The following LHFPL3 variants were observed in gnomAD, a reference collection of about 807,000 sequenced individuals.
LHFPL3 encodes LHFPL tetraspan subfamily member 3 protein.
A neutral mutation model predicts 19.3 loss-of-function variants in LHFPL3; 5 were observed. That is an observed-to-expected ratio of 0.26 (90% CI 0.14 to 0.54). LHFPL3 has a LOEUF of 0.54. Among genes scored for constraint, LHFPL3 ranks in the 20% least tolerant of loss-of-function variants. The pLI, the probability that LHFPL3 is intolerant of heterozygous loss-of-function variation, is 0.94. For synonymous variants in LHFPL3, 133 were observed against 126.2 expected, an observed-to-expected ratio of 1.05 and a Z score of -0.36; for missense variants, 249 against 307.4, an observed-to-expected ratio of 0.81 and a Z score of 1.42.
chr7:104,769,583 T>A (rs1794515054), intron 2 of LHFPL3, among the ~76,000 whole-genome samples: 1 of 151,684 alleles, frequency 6.6e-6, no homozygotes, highest in South Asian at 2.1e-4. Context: ...ACATTAGGTA[T>A]TTCTGCTAAT....
chr7:104,430,438 A>ATG (rs1229759129), intron 1 of LHFPL3, among the ~76,000 whole-genome samples: 3 of 15,090 alleles, frequency 2.0e-4, no homozygotes, highest in Admixed American at 9.8e-4. Context: ...ATATATATAT[A>ATG]TATATATATA....
At chr7:104,877,467 T>A (rs1265986040) in intron 2 of LHFPL3, among the ~76,000 whole-genome samples, 1 of 151,902 alleles carries the variant, frequency 6.6e-6, no homozygotes, top group African/African-American at 2.4e-5. Flanking sequence ...AATAGACATT[T>A]CCCCAAATGA....
chr7:104,407,668 A>G (rs1791443998), intron 1 of LHFPL3, among the ~76,000 whole-genome samples: 1 of 152,226 alleles, frequency 6.6e-6, no homozygotes, highest in Non-Finnish European at 1.5e-5. Context: ...GGGAATAAAA[A>G]AAGAGAGAAC....
At chr7:104,466,797 G>C (rs1388701668) in intron 1 of LHFPL3, among the ~76,000 whole-genome samples, 4 of 152,210 alleles carry the variant, frequency 2.6e-5, no homozygotes, top group Non-Finnish European at 5.9e-5. Context: ...AAACCATGCT[G>C]TAGGGCTCCA....
intron 1 of LHFPL3, among the ~76,000 whole-genome samples, chr7:104,500,960 G>A (rs1793588606): frequency 6.6e-6 from 1 of 152,058 alleles, no homozygotes; most frequent in South Asian, 2.1e-4. Flanking sequence ...ATAATCCCAG[G>A]CAGCTTTACT....
At chr7:104,498,623 G>A (rs137866508) in intron 1 of LHFPL3, among the ~76,000 whole-genome samples, 5 of 151,592 alleles carry the variant, frequency 3.3e-5, no homozygotes, top group South Asian at 4.2e-4. Context: ...GACTACAGGC[G>A]CCTGCCACCA....
intron 1 of LHFPL3, among the ~76,000 whole-genome samples, chr7:104,581,748 C>T (rs1446902348): frequency 6.6e-6 from 1 of 151,920 alleles, no homozygotes; most frequent in Admixed American, 6.6e-5. Context: ...GCTTTCTTTT[C>T]CCATTGAATT....
intron 2 of LHFPL3, among the ~76,000 whole-genome samples, chr7:104,799,026 C>T (rs932828895): frequency 5.3e-5 from 8 of 152,112 alleles, no homozygotes; most frequent in African/African-American, 1.9e-4. Context: ...TTTTTATTAC[C>T]GCATTCAAAA....
At chr7:104,838,808 G>A (rs1411624628) in intron 2 of LHFPL3, among the ~76,000 whole-genome samples, 1 of 152,140 alleles carries the variant, frequency 6.6e-6, no homozygotes, top group Non-Finnish European at 1.5e-5. Flanking sequence ...TGTGTCTAGG[G>A]ACTGCTGTGT....
intron 2 of LHFPL3, chr7:104,744,134 A>G (rs565564069): frequency 1.1e-4 from 16 of 151,562 alleles, no homozygotes; most frequent in African/African-American, 2.9e-4. Flanking sequence ...CATATAATCA[A>G]TTCTTATAGA....
chr7:104,430,404 A>ATG (rs1562895136), intron 1 of LHFPL3, among the ~76,000 whole-genome samples: 16 of 36,470 alleles, frequency 4.4e-4, no homozygotes, highest in Admixed American at 7.1e-4. Context: ...ATATATATAT[A>ATG]CATATATATA....
At chr7:104,856,884 T>C (rs1013932461) in intron 2 of LHFPL3, among the ~76,000 whole-genome samples, 1 of 152,182 alleles carries the variant, frequency 6.6e-6, no homozygotes, top group African/African-American at 2.4e-5. Context: ...TTTATGAGCA[T>C]TGATACCCTG....
chr7:104,703,736 G>T (rs1037905315), intron 1 of LHFPL3, among the ~76,000 whole-genome samples: 10 of 152,062 alleles, frequency 6.6e-5, no homozygotes, highest in East Asian at 5.8e-4. Context: ...TAATATTTTT[G>T]AATTATTTCT....
chr7:104,504,051 T>TG (rs1208487022), intron 1 of LHFPL3, among the ~76,000 whole-genome samples: 5 of 152,204 alleles, frequency 3.3e-5, no homozygotes, highest in Non-Finnish European at 7.3e-5. Context: ...AGTCACCTGT[T>TG]TTTCATTTTT....
intron 1 of LHFPL3, among the ~76,000 whole-genome samples, chr7:104,586,780 G>A (rs956833922): frequency 3.3e-5 from 5 of 152,048 alleles, no homozygotes; most frequent in Non-Finnish European, 5.9e-5. Flanking sequence ...TGTGTCTTCC[G>A]TGTGCTACGC....
chr7:104,594,021 A>C lies in LHFPL3; in HGVS notation c.446-142654A>C, dbSNP rs181587133. On this transcript the variant is annotated intron_variant, in intron 1 of 2. Transcript: ENST00000424859. The stretch of plus-strand genomic sequence containing the variant: ...CCACTGTGTATCTTTTAATTGGGGC[A>C]TTTAGCCGATTTACATTCAAGGTTA... Among the ~76,000 whole-genome samples, 434 of 152,268 alleles carry C rather than the reference A, an allele frequency of 2.9e-3. 1 individual carries two copies. The highest frequency in any genetic ancestry group is 0.01 in the African/African-American group (418 of 41,552).
At chr7:104,404,924 AG>A (rs923797233) in intron 1 of LHFPL3, among the ~76,000 whole-genome samples, 3 of 152,224 alleles carry the variant, frequency 2.0e-5, no homozygotes, top group Admixed American at 6.5e-5. Context: ...TACATAAAAA[AG>A]GTAAAAATTA....
chr7:104,835,120 G>A (rs12705281), intron 2 of LHFPL3, among the ~76,000 whole-genome samples: 13,087 of 151,828 alleles, frequency 0.086, 1,349 homozygotes, highest in East Asian at 0.44. Flanking sequence ...TACCAGCTGC[G>A]TAGCCTTGGG....
intron 2 of LHFPL3, among the ~76,000 whole-genome samples, chr7:104,804,507 A>G (rs574949715): frequency 1.9e-4 from 29 of 152,346 alleles, no homozygotes; most frequent in South Asian, 6.2e-4. Flanking sequence ...ACTTTGTAAC[A>G]TGCTTTTAAC....
Sources: allele counts gnomAD v4.1 joint callset (sites outside exome capture counted in the v4.1 genomes callset), GRCh38; gene constraint gnomAD v4.1.1; transcripts MANE v1.5; gene names NCBI Gene and HGNC (gene_info 2026-07-23, HGNC 2026-07-21).